Variants in CDC5L observed in about 807,000 individuals in gnomAD.
CDC5L encodes the protein cell division cycle 5-like protein.
Under a neutral mutation model 104.1 loss-of-function variants are expected in CDC5L, and 18 were observed. The observed-to-expected ratio is 0.17, with a 90% CI of 0.12 to 0.26. The LOEUF (loss-of-function observed/expected upper bound fraction) is 0.26. CDC5L is among the 10% of genes least tolerant of loss of function. The pLI, the probability that CDC5L is intolerant of heterozygous loss-of-function variation, is 1.00. For synonymous variants in CDC5L, 331 were observed against 322.7 expected (o/e 1.03, Z -0.28); for missense variants, 673 against 956.9 (o/e 0.70, Z 3.91).
At position 44,425,044 on chromosome 6, in the gene CDC5L, A is replaced by G. The variant is rs11572015; in HGVS notation, c.1569+461A>G. Among the ~76,000 whole-genome samples, 566 of 152,282 alleles carry G rather than the reference A, an allele frequency of 3.7e-3. 4 individuals are homozygous for G. Among genetic ancestry groups the G allele is most frequent in the African/African-American group, 0.012 (519 of 41,568 alleles). The stretch of plus-strand genomic sequence containing the variant: ...GTCCGGGGAACATAGTAAGACCTCT[A>G]TCTAAACTGGAGTTGGAAATTTAGA... On this transcript the variant is annotated intron_variant, in intron 11 of 15. Transcript: ENST00000371477.
At chr6:44,422,225 A>T (rs1792217237) in intron 9 of CDC5L, among the ~76,000 whole-genome samples, 1 of 152,230 alleles carries the variant, frequency 6.6e-6, no homozygotes, top group African/African-American at 2.4e-5. Flanking sequence ...TAATAATGAC[A>T]GTGATAGTGA....
intron 4 of CDC5L, among the ~76,000 whole-genome samples, chr6:44,395,953 G>C (rs532804211): frequency 6.6e-6 from 1 of 152,228 alleles, no homozygotes; most frequent in African/African-American, 2.4e-5. Context: ...AATTTGTGCT[G>C]TGCCAGTTAG....
At position 44,448,129 on chromosome 6, in the gene CDC5L, C is replaced by T. The variant is rs1793519321; in HGVS notation, c.*1418C>T. On this transcript the variant is annotated 3_prime_UTR_variant, in exon 16 of 16. Transcript: ENST00000371477. The stretch of plus-strand genomic sequence containing the variant: ...AACATTTAAGATAACATGTGATTGA[C>T]ATTTTAGAATGGGCTATCCTTGTGA... 1 of 152,186 alleles carries T rather than the reference C, an allele frequency of 6.6e-6. No individual in the cohort carries two copies. Among genetic ancestry groups the T allele is most frequent in the Non-Finnish European group, 1.5e-5 (1 of 68,042 alleles). 9.4% of individuals were successfully genotyped at this position (152,186 alleles called of 1,614,324 possible). A position where few individuals can be genotyped will look rare whatever the true frequency, so the allele number is the denominator to read the frequency against.
intron 5 of CDC5L, among the ~76,000 whole-genome samples, chr6:44,397,457 AT>A (rs1331512494): frequency 1.3e-5 from 2 of 151,982 alleles, no homozygotes; most frequent in Admixed American, 6.6e-5. Flanking sequence ...ACTATCTTGT[AT>A]TTTTTTCCCC....
At position 44,445,575 on chromosome 6, in the gene CDC5L, C is replaced by T. The variant is rs11572047; in HGVS notation, c.2092-80C>T. On this transcript the variant is annotated intron_variant, in intron 14 of 15. Transcript: ENST00000371477. ...TTTTGCTTTGAGACACATACATGAA[C>T]GCATGGTACCTTTTTAGCCCTGTTA... 9.2e-3 allele frequency: 8,536 copies of T among 924,916 alleles called. 77 individuals are homozygous for T. Among genetic ancestry groups the T allele is most frequent in the Middle Eastern group, 0.05 (171 of 3,428 alleles). 57.3% of individuals were successfully genotyped at this position (924,916 alleles called of 1,614,324 possible). A position where few individuals can be genotyped will look rare whatever the true frequency, so the allele number is the denominator to read the frequency against.
At chr6:44,428,017 A>T (rs1275838286) in intron 13 of CDC5L, among the ~76,000 whole-genome samples, 1 of 152,146 alleles carries the variant, frequency 6.6e-6, no homozygotes, top group East Asian at 1.9e-4. Flanking sequence ...TTATCTGTGT[A>T]TATCTCTCTT....
At chr6:44,395,428 T>C (rs1261103576) in intron 4 of CDC5L, among the ~76,000 whole-genome samples, 1 of 152,262 alleles carries the variant, frequency 6.6e-6, no homozygotes, top group Non-Finnish European at 1.5e-5. Flanking sequence ...GTGTGCCACC[T>C]ATTAGCTGTT....
At chr6:44,413,671 C>A (rs370665053) in intron 8 of CDC5L, among the ~76,000 whole-genome samples, 1 of 152,028 alleles carries the variant, frequency 6.6e-6, no homozygotes, top group African/African-American at 2.4e-5. Flanking sequence ...GAAGCCTTGA[C>A]CTCTTGGGCT....
chr6:44,413,657 C>T (rs1791763720), intron 8 of CDC5L, among the ~76,000 whole-genome samples: 1 of 152,100 alleles, frequency 6.6e-6, no homozygotes, highest in South Asian at 2.1e-4. Flanking sequence ...AGTCATGGCT[C>T]ACCGAAGCCT....
chr6:44,404,720 G>T (rs997436672), intron 6 of CDC5L, among the ~76,000 whole-genome samples: 1 of 151,838 alleles, frequency 6.6e-6, no homozygotes. Context: ...TTTAAGACAA[G>T]GTCTCACTCT....
At chr6:44,425,787 AAG>A (rs1491377459) in intron 11 of CDC5L, among the ~76,000 whole-genome samples, 1 of 152,120 alleles carries the variant, frequency 6.6e-6, no homozygotes, top group Non-Finnish European at 1.5e-5. Flanking sequence ...AAAGGGAAGA[AAG>A]AGTTTTGTCG....
intron 8 of CDC5L, 105 bp from the exon 9 acceptor site, chr6:44,419,344 G>T: frequency 1.0e-6 from 1 of 1,000,338 alleles, no homozygotes. Flanking sequence ...TTGAGAAAAT[G>T]AGTAAGGATT....
At chr6:44,408,773 A>G (rs145331483) in intron 8 of CDC5L, 141 bp downstream of exon 8, 1 of 479,174 alleles carries the variant, frequency 2.1e-6, no homozygotes, top group African/African-American at 2.0e-5. Flanking sequence ...AGATCTTGCA[A>G]TATTTCTGTA....
At chr6:44,412,296 A>C (rs1330101072) in intron 8 of CDC5L, among the ~76,000 whole-genome samples, 5 of 109,060 alleles carry the variant, frequency 4.6e-5, no homozygotes, top group Non-Finnish European at 3.6e-5. Context: ...GATAGGAATA[A>C]CCTGTCCCCC....
intron 14 of CDC5L, among the ~76,000 whole-genome samples, chr6:44,440,225 C>G (rs1189790177): frequency 6.6e-6 from 1 of 151,590 alleles, no homozygotes; most frequent in East Asian, 1.9e-4. Flanking sequence ...CTCCACCTCC[C>G]ATGGGCTTGA....
intron 14 of CDC5L, among the ~76,000 whole-genome samples, chr6:44,442,097 C>T (rs374302734): frequency 3.3e-5 from 5 of 151,728 alleles, no homozygotes; most frequent in South Asian, 2.1e-4. Flanking sequence ...CTACCATGCC[C>T]GGCTAATTTT....
rs760231944 is a variant in CDC5L at position 44,445,747 on chromosome 6, T to C, written c.2184T>C (p.Ala728=). The change falls in exon 15 of 16, where the codon GCT becomes GCC. Residue 728 remains alanine (A), a synonymous_variant. Transcript: ENST00000371477. The part of the protein sequence containing the change: ...KILLGGYQSR[A]MGLMKQLNDL... ...TGCTTGGGGGTTACCAGTCTCGTGC[T>C]ATGGGGCTCATGAAACAGTTGAATG... The C allele has an allele frequency of 3.7e-6, 6 of 1,614,112 alleles. No individual in the cohort carries two copies. Among genetic ancestry groups the C allele is most frequent in the Non-Finnish European group, 3.4e-6 (4 of 1,179,952 alleles).
At chr6:44,395,416 G>A (rs556490766) in intron 4 of CDC5L, among the ~76,000 whole-genome samples, 15 of 152,310 alleles carry the variant, frequency 9.8e-5, no homozygotes, top group African/African-American at 3.6e-4. Flanking sequence ...TTTTCAACCC[G>A]TGTGTGCCAC....
intron 14 of CDC5L, among the ~76,000 whole-genome samples, chr6:44,438,310 T>C (rs1342248419): frequency 1.7e-4 from 26 of 152,250 alleles, no homozygotes. Flanking sequence ...GTTGTTCATA[T>C]CTTATTGGAA....
Sources: allele counts gnomAD v4.1 joint callset (sites outside exome capture counted in the v4.1 genomes callset), GRCh38; gene constraint gnomAD v4.1.1; transcripts MANE v1.5; gene names NCBI Gene and HGNC (gene_info 2026-07-23, HGNC 2026-07-21).